Variants in RSPH14 observed in about 807,000 individuals in gnomAD.
The protein encoded by RSPH14 is rhabdoid tumor deletion region gene 1.
A neutral mutation model predicts 26.7 loss-of-function variants in RSPH14; 20 were observed. That is an observed-to-expected ratio of 0.75 (90% CI 0.53 to 1.09). RSPH14 has a LOEUF of 1.09. RSPH14 is among the 50% of genes least tolerant of loss of function. The probability of loss-of-function intolerance (pLI) is 0.00; values close to 1 mark genes in which losing one functional copy is unlikely to be tolerated. For missense variants in RSPH14, 449 were observed against 457.2 expected, an observed-to-expected ratio of 0.98 and a Z score of 0.16; for synonymous variants, 177 against 189.3, an observed-to-expected ratio of 0.93 and a Z score of 0.53.
chr22:23,148,155 C>T (rs1461350185), upstream of RSPH14, among the ~76,000 whole-genome samples: 2 of 152,082 alleles, frequency 1.3e-5, no homozygotes, highest in African/African-American at 4.8e-5. Flanking sequence ...GCTCTTCCTC[C>T]TTCCCCCTTC....
the RSPH14 span, chr22:23,150,209 TG>T: frequency 7.4e-7 from 1 of 1,350,946 alleles, no homozygotes; most frequent in East Asian, 2.4e-5. Context: ...AATGAGTGCA[TG>T]AAGCACGTGA....
chr22:23,086,426 G>T (rs1196225516), intron 4 of RSPH14, among the ~76,000 whole-genome samples: 2 of 152,246 alleles, frequency 1.3e-5, no homozygotes, highest in African/African-American at 4.8e-5. Flanking sequence ...CAGCAGACGG[G>T]GTGGCACGGA....
intron 4 of RSPH14, among the ~76,000 whole-genome samples, chr22:23,130,379 C>A (rs1316788518): frequency 1.9e-4 from 29 of 150,150 alleles, no homozygotes; most frequent in African/African-American, 6.4e-4. Flanking sequence ...GGCATGAACC[C>A]GGGAGGTGGA....
chr22:23,089,949 C>T (rs2146298271), intron 4 of RSPH14, among the ~76,000 whole-genome samples: 1 of 152,294 alleles, frequency 6.6e-6, no homozygotes, highest in East Asian at 1.9e-4. Flanking sequence ...CCCACTAGGG[C>T]TTCTTGGCCT....
intron 4 of RSPH14, among the ~76,000 whole-genome samples, chr22:23,080,209 G>T (rs1222864904): frequency 6.6e-6 from 1 of 152,194 alleles, no homozygotes. Context: ...GAAATATCTG[G>T]CTTGATTTCC....
chr22:23,064,184 C>A, intron 4 of RSPH14, 51 bp from the exon 5 acceptor site: 1 of 1,553,832 alleles, frequency 6.4e-7, no homozygotes, highest in Non-Finnish European at 8.9e-7. Flanking sequence ...CACCCACCCA[C>A]CCATGCCAGT....
intron 4 of RSPH14, among the ~76,000 whole-genome samples, chr22:23,085,717 G>A (rs1315183300): frequency 2.0e-5 from 3 of 152,198 alleles, no homozygotes; most frequent in Non-Finnish European, 2.9e-5. Context: ...CAGCAGAGAG[G>A]GCCTCTGGCC....
chr22:23,086,713 G>C (rs2068830503), intron 4 of RSPH14, among the ~76,000 whole-genome samples: 1 of 152,268 alleles, frequency 6.6e-6, no homozygotes, highest in South Asian at 2.1e-4. Flanking sequence ...TGAGGACACT[G>C]GACCATGACC....
chr22:23,095,667 T>C (rs1004702787), intron 4 of RSPH14: 5 of 1,578,570 alleles, frequency 3.2e-6, no homozygotes, highest in Non-Finnish European at 4.3e-6. Context: ...CATCCCGTGC[T>C]CCTTGTCTGG....
At chr22:23,097,400 G>A (rs2069156595) in intron 4 of RSPH14, among the ~76,000 whole-genome samples, 1 of 152,232 alleles carries the variant, frequency 6.6e-6, no homozygotes, top group Non-Finnish European at 1.5e-5. Flanking sequence ...AACCTGGACA[G>A]CTCTAGGCAG....
intron 4 of RSPH14, among the ~76,000 whole-genome samples, chr22:23,072,966 G>A (rs190157845): frequency 6.6e-6 from 1 of 152,320 alleles, no homozygotes; most frequent in Non-Finnish European, 1.5e-5. Context: ...GCTGCCCAGG[G>A]CCCCCGCAGA....
chr22:23,147,248 T>C (rs1478632680), upstream of RSPH14, among the ~76,000 whole-genome samples: 1 of 152,184 alleles, frequency 6.6e-6, no homozygotes, highest in East Asian at 1.9e-4. Flanking sequence ...GAATACAAAT[T>C]GAGTACAACC....
chr22:23,180,718 C>G, the RSPH14 span: 1 of 149,454 alleles, frequency 6.7e-6, no homozygotes, highest in Admixed American at 6.7e-5. Flanking sequence ...GCGGAGGAGC[C>G]CCGCACACAA....
intron 3 of RSPH14, chr22:23,136,276 G>C (rs1013715041): frequency 1.4e-5 from 10 of 710,514 alleles, no homozygotes; most frequent in Non-Finnish European, 2.4e-5. Context: ...GTGACAAGAT[G>C]CCAAGCCCAG....
At chr22:23,145,545 AT>A (rs1569201806), upstream of RSPH14, 1 of 1,600,730 alleles carries the variant, frequency 6.2e-7, no homozygotes, top group Non-Finnish European at 8.5e-7. Flanking sequence ...TTTCACAGCC[AT>A]CGCTGGTGAG....
intron 4 of RSPH14, among the ~76,000 whole-genome samples, chr22:23,069,138 C>T (rs1362769633): frequency 6.6e-6 from 1 of 152,214 alleles, no homozygotes; most frequent in East Asian, 1.9e-4. Flanking sequence ...TGAGATGCCA[C>T]AGTGTCCAGC....
the RSPH14 span, chr22:23,161,996 A>T: frequency 1.1e-5 from 2 of 174,066 alleles, no homozygotes; most frequent in Non-Finnish European, 1.2e-5. Context: ...GATCCGTCAC[A>T]GTGTTCCAGG....
At chr22:23,114,307 C>T (rs758731352) in intron 4 of RSPH14, among the ~76,000 whole-genome samples, 4 of 152,222 alleles carry the variant, frequency 2.6e-5, no homozygotes, top group Non-Finnish European at 5.9e-5. Flanking sequence ...AGTGGGCTGA[C>T]TTGAGCTTCT....
chr22:23,104,257 C>T (rs1485021141), intron 4 of RSPH14, among the ~76,000 whole-genome samples: 1 of 152,194 alleles, frequency 6.6e-6, no homozygotes, highest in Admixed American at 6.5e-5. Context: ...GTCGCAGGCA[C>T]AGTGTCCAGT....
Sources: gnomAD v4.1 joint callset for allele counts (sites outside exome capture counted in the v4.1 genomes callset) on GRCh38, gnomAD v4.1.1 for gene constraint, MANE v1.5 for transcripts, NCBI Gene and HGNC (gene_info 2026-07-23, HGNC 2026-07-21) for gene names.